Variants in ENTPD3 observed in about 807,000 individuals in gnomAD.
The protein encoded by ENTPD3 is CD39 antigen-like 3.
ENTPD3 carries 60 observed loss-of-function variants against 51.2 expected under a neutral mutation model. The observed-to-expected ratio is 1.17, with a 90% CI of 0.95 to 1.45. The LOEUF (loss-of-function observed/expected upper bound fraction) is 1.45. Ranked by LOEUF, ENTPD3 falls within the 40% of genes most tolerant of loss-of-function variation. The pLI, the probability that ENTPD3 is intolerant of heterozygous loss-of-function variation, is 0.00. For synonymous variants in ENTPD3, 221 were observed against 238.4 expected (o/e 0.93, Z 0.67); for missense variants, 593 against 641.1 (o/e 0.93, Z 0.81).
intron 7 of ENTPD3, among the ~76,000 whole-genome samples, chr3:40,420,058 A>G (rs190441343): frequency 1.6e-4 from 25 of 152,318 alleles, no homozygotes; most frequent in African/African-American, 5.8e-4. Flanking sequence ...AGTCAGAAAT[A>G]ATTTATGTTA....
chr3:40,408,755 G>A lies in ENTPD3; in HGVS notation c.287-3057G>A, dbSNP rs566709355. Reference sequence around the variant, plus strand: ...AACACAGGTAAATAAAATGGAACCAGGCACAATGGTGTGCACCTATATTCC... The same window carrying A: ...AACACAGGTAAATAAAATGGAACCAAGCACAATGGTGTGCACCTATATTCC... On this transcript the variant is annotated intron_variant, in intron 4 of 10. Coordinates refer to ENST00000301825, the MANE Select transcript of ENTPD3 (RefSeq NM_001248.4). Among the ~76,000 whole-genome samples, 21 of 152,182 alleles carry A rather than the reference G, an allele frequency of 1.4e-4. No individual in the cohort carries two copies. In the Middle Eastern group the frequency reaches 0.01, roughly 74 times the overall value.
At chr3:40,421,490 G>C (rs1955871485) in intron 7 of ENTPD3, among the ~76,000 whole-genome samples, 1 of 152,168 alleles carries the variant, frequency 6.6e-6, no homozygotes, top group African/African-American at 2.4e-5. Context: ...AGATTGAATA[G>C]TCATATGGAA....
intron 10 of ENTPD3, among the ~76,000 whole-genome samples, chr3:40,425,639 GT>G (rs1232312400): frequency 6.6e-6 from 1 of 151,988 alleles, no homozygotes; most frequent in Non-Finnish European, 1.5e-5. Context: ...GCTCATGCCT[GT>G]AATTCCAGCA....
intron 4 of ENTPD3, 47 bp from the exon 5 acceptor site, chr3:40,411,765 G>A (rs771880938): frequency 1.5e-5 from 23 of 1,525,212 alleles, no homozygotes; most frequent in Admixed American, 4.2e-5. Flanking sequence ...GTATCACTGC[G>A]ATTGGTTCCT....
intron 4 of ENTPD3, 108 bp downstream of exon 4, chr3:40,401,119 G>A: frequency 1.2e-6 from 1 of 802,888 alleles, no homozygotes; most frequent in Non-Finnish European, 2.1e-6. Flanking sequence ...CAGGGAATGA[G>A]CATTGGACTG....
At chr3:40,392,199 G>A (rs761555507) in intron 3 of ENTPD3, 49 bp downstream of exon 3, 1 of 1,594,502 alleles carries the variant, frequency 6.3e-7, no homozygotes, top group Non-Finnish European at 8.6e-7. Context: ...GCATAAAGGG[G>A]AAGAAATCAA....
At chr3:40,398,228 T>C (rs991632130) in intron 3 of ENTPD3, among the ~76,000 whole-genome samples, 3 of 152,298 alleles carry the variant, frequency 2.0e-5, no homozygotes, top group Non-Finnish European at 4.4e-5. Flanking sequence ...GATACTCTTC[T>C]CTCTGATCTT....
Position 40,427,629 on chromosome 3 carries a change from C to A in ENTPD3, c.*121C>A. On this transcript the variant is annotated 3_prime_UTR_variant, in exon 11 of 11. Coordinates refer to ENST00000301825, the MANE Select transcript of ENTPD3 (RefSeq NM_001248.4). Reference sequence around the variant, plus strand: ...ACTAACTAAAATCAAACACCTAGGTCACGTGCCTCTCAAATACTGATTTCT... The same window carrying A: ...ACTAACTAAAATCAAACACCTAGGTAACGTGCCTCTCAAATACTGATTTCT... 1 of 721,100 alleles carries A rather than the reference C, an allele frequency of 1.4e-6. No individual in the cohort carries two copies. Among genetic ancestry groups the A allele is most frequent in the Non-Finnish European group, 2.4e-6 (1 of 413,132 alleles). 44.7% of individuals were successfully genotyped at this position (721,100 alleles called of 1,614,324 possible).
chr3:40,399,634 C>A (rs1235298794), intron 3 of ENTPD3: 1 of 152,220 alleles, frequency 6.6e-6, no homozygotes, highest in Non-Finnish European at 1.5e-5. Context: ...TGACTCTGAG[C>A]ACAAACAGAT....
intron 2 of ENTPD3, chr3:40,391,677 A>T (rs1373302701): frequency 4.3e-5 from 8 of 186,872 alleles, no homozygotes; most frequent in African/African-American, 1.9e-4. Flanking sequence ...CTCCATCTCA[A>T]AAAAAAAAAA....
intron 3 of ENTPD3, among the ~76,000 whole-genome samples, chr3:40,396,522 C>G (rs1955204516): frequency 6.6e-6 from 1 of 152,154 alleles, no homozygotes; most frequent in Admixed American, 6.5e-5. Flanking sequence ...TAAATCTAAC[C>G]TTGGCTTGCC....
intron 3 of ENTPD3, 163 bp downstream of exon 3, chr3:40,392,313 T>C (rs1379337610): frequency 4.0e-6 from 3 of 749,810 alleles, no homozygotes; most frequent in East Asian, 5.5e-5. Flanking sequence ...GGTCTGGACA[T>C]GCTGGGTTTG....
intron 2 of ENTPD3, 50 bp downstream of exon 2, chr3:40,388,147 G>C: frequency 2.6e-6 from 4 of 1,556,722 alleles, no homozygotes; most frequent in Non-Finnish European, 3.5e-6. Flanking sequence ...AATCGCAAGA[G>C]AACCCCAGCT....
chr3:40,423,617 C>T (rs983576450), intron 9 of ENTPD3, among the ~76,000 whole-genome samples: 1 of 152,156 alleles, frequency 6.6e-6, no homozygotes, highest in Non-Finnish European at 1.5e-5. Context: ...ATATAATAAG[C>T]ACTCAATGAG....
At chr3:40,393,027 G>A (rs895183294) in intron 3 of ENTPD3, among the ~76,000 whole-genome samples, 1 of 151,150 alleles carries the variant, frequency 6.6e-6, no homozygotes, top group African/African-American at 2.4e-5. Context: ...CTTGTGCTTA[G>A]TCCCAGAGGC....
intron 3 of ENTPD3, 34 bp from the exon 4 acceptor site, chr3:40,400,860 C>G (rs1318620863): frequency 1.3e-6 from 2 of 1,554,242 alleles, no homozygotes; most frequent in Non-Finnish European, 1.8e-6. Flanking sequence ...AGGAGTCCCG[C>G]CCATTCTGAC....
chr3:40,397,168 G>A (rs1575210907), intron 3 of ENTPD3, among the ~76,000 whole-genome samples: 1 of 116,848 alleles, frequency 8.6e-6, no homozygotes, highest in Admixed American at 1.2e-4. Flanking sequence ...TTATGCAAAT[G>A]GGTCCTCTCC....
chr3:40,399,170 G>A (rs767430526), intron 3 of ENTPD3, among the ~76,000 whole-genome samples: 4 of 152,134 alleles, frequency 2.6e-5, no homozygotes, highest in Non-Finnish European at 4.4e-5. Context: ...GCAGTGAGTC[G>A]TTGGTGGCAC....
At chr3:40,408,113 G>C (rs988526719) in intron 4 of ENTPD3, among the ~76,000 whole-genome samples, 4 of 152,186 alleles carry the variant, frequency 2.6e-5, no homozygotes, top group African/African-American at 7.2e-5. Context: ...AGATAAAAGG[G>C]GGGCAGGAAA....
Sources: allele counts gnomAD v4.1 joint callset (sites outside exome capture counted in the v4.1 genomes callset), GRCh38; gene constraint gnomAD v4.1.1; transcripts MANE v1.5; gene names NCBI Gene and HGNC (gene_info 2026-07-23, HGNC 2026-07-21).